Variants in DOCK1 observed in about 807,000 individuals in gnomAD.
The protein encoded by DOCK1 is dedicator of cytokinesis 1.
DOCK1 carries 138 observed loss-of-function variants against 262.7 expected under a neutral mutation model. The observed-to-expected ratio is 0.53, with a 90% confidence interval of 0.46 to 0.61. DOCK1 has a LOEUF of 0.61. DOCK1 is among the 20% of genes least tolerant of loss of function. DOCK1 has a pLI of 0.00. For missense variants in DOCK1, 1,908 were observed against 2,370.7 expected (o/e 0.80, Z 4.05); for synonymous variants, 866 against 867.4 (o/e 1.00, Z 0.03).
chr10:127,023,121 G>A, intron 13 of DOCK1, 79 bp from the exon 14 acceptor site: 3 of 1,487,264 alleles, frequency 2.0e-6, no homozygotes, highest in Non-Finnish European at 2.8e-6. Flanking sequence ...TATGAGGATA[G>A]GTAGACAGTC....
intron 18 of DOCK1, among the ~76,000 whole-genome samples, chr10:127,033,254 C>G (rs968271328): frequency 3.9e-5 from 6 of 152,182 alleles, no homozygotes; most frequent in Non-Finnish European, 8.8e-5. Flanking sequence ...TAAGGCACCC[C>G]CTGCTGACTC....
intron 29 of DOCK1, among the ~76,000 whole-genome samples, chr10:127,271,005 G>GTA: frequency 6.6e-6 from 1 of 151,220 alleles, no homozygotes; most frequent in East Asian, 1.9e-4. Context: ...GTGTATGTGT[G>GTA]TGTGTGTGTG....
intron 29 of DOCK1, among the ~76,000 whole-genome samples, chr10:127,285,188 T>A (rs2061105604): frequency 6.6e-6 from 1 of 152,206 alleles, no homozygotes. Context: ...TACTATTCAT[T>A]TTCTGATTTT....
Position 127,060,352 on chromosome 10 carries a change from A to G in DOCK1, c.2337-1316A>G, listed in dbSNP as rs1291939582. Reference sequence around the variant, plus strand: ...TTTTAATTGTTTGGTACATCATTTAAGCAAACCCCATTTGAAAACCCTTAT... The same window carrying G: ...TTTTAATTGTTTGGTACATCATTTAGGCAAACCCCATTTGAAAACCCTTAT... On this transcript the variant is annotated intron_variant, in intron 22 of 51. Transcript: ENST00000623213. 2.0e-5 allele frequency among the ~76,000 whole-genome samples: 3 copies of G among 152,180 alleles called. No individual in the cohort carries two copies. In the East Asian group the frequency reaches 5.8e-4, roughly 29 times the overall value.
intron 49 of DOCK1, among the ~76,000 whole-genome samples, chr10:127,441,190 A>G (rs1008258551): frequency 1.3e-5 from 2 of 152,260 alleles, no homozygotes; most frequent in Admixed American, 6.5e-5. Flanking sequence ...CAAGGACACA[A>G]GCACACACGT....
rs1287690078 is a variant in DOCK1, at chr10:127,052,745, C to T, written c.2266C>T (p.Leu756=). The change falls in exon 22 of 52, where the codon CTG becomes TTG. Residue 756 remains leucine (L), a synonymous_variant. Coordinates refer to ENST00000623213, the MANE Select transcript of DOCK1 (RefSeq NM_001290223.2). The part of the protein sequence containing the change: ...GAEKPGVNEQ[L]YKAMKALESI... The stretch of plus-strand genomic sequence containing the variant: ...TGAGAAGCCGGGAGTAAATGAGCAG[C>T]TGTACAAAGCCATGAAAGCGCTAGA... 6 of 1,613,922 alleles carry T rather than the reference C, an allele frequency of 3.7e-6. No homozygotes were observed. The South Asian group carries it at 4.4e-5, about 12-fold the overall frequency.
intron 38 of DOCK1, 98 bp from the exon 39 acceptor site, chr10:127,402,957 C>T (rs1301586014): frequency 9.1e-7 from 1 of 1,103,302 alleles, no homozygotes; most frequent in Non-Finnish European, 1.3e-6. Flanking sequence ...TTCAAATGTA[C>T]TTCTACACTG....
At chr10:127,031,533 C>A in intron 16 of DOCK1, 117 bp from the exon 17 acceptor site, 1 of 725,804 alleles carries the variant, frequency 1.4e-6, no homozygotes, top group Non-Finnish European at 2.2e-6. Flanking sequence ...AGCTTTAATA[C>A]CTGTTTGTAT....
At chr10:127,011,228 A>C (rs2041414484) in intron 11 of DOCK1, among the ~76,000 whole-genome samples, 1 of 152,232 alleles carries the variant, frequency 6.6e-6, no homozygotes, top group Non-Finnish European at 1.5e-5. Flanking sequence ...TTTAATAGCA[A>C]AATAAGCAGT....
At chr10:127,000,438 A>G (rs1443922646) in intron 10 of DOCK1, 131 bp downstream of exon 10, 21 of 1,320,440 alleles carry the variant, frequency 1.6e-5, no homozygotes, top group East Asian at 2.5e-5. Context: ...GAGAAAAAAT[A>G]TATTTATTAG....
At chr10:127,370,359 A>G (rs1030061742) in intron 33 of DOCK1, among the ~76,000 whole-genome samples, 5 of 152,170 alleles carry the variant, frequency 3.3e-5, no homozygotes, top group Admixed American at 1.3e-4. Context: ...CCCTCCATCA[A>G]GGCGGTGAGT....
chr10:127,451,612 A>C lies in DOCK1; in HGVS notation c.*185A>C. The C allele has an allele frequency of 7.1e-7, 1 of 1,409,340 alleles. No homozygotes were observed. The highest frequency in any genetic ancestry group is 9.4e-7 in the Non-Finnish European group (1 of 1,069,056). 87.3% of individuals were successfully genotyped at this position (1,409,340 alleles called of 1,614,324 possible). On this transcript the variant is annotated 3_prime_UTR_variant, in exon 52 of 52. Coordinates refer to ENST00000623213, the MANE Select transcript of DOCK1 (RefSeq NM_001290223.2). ...GAGTGGCCTTTAGCGTCATGGAGCA[A>C]GGTGGGTCTGGGAGGTAGATATGGG...
At chr10:127,246,286 A>G (rs957411544) in intron 27 of DOCK1, among the ~76,000 whole-genome samples, 3 of 152,196 alleles carry the variant, frequency 2.0e-5, no homozygotes, top group Non-Finnish European at 4.4e-5. Flanking sequence ...CAGAGAGTGA[A>G]ACCTCTAAGC....
rs1265503262 is a variant in DOCK1, at chr10:127,028,610, A to G, written c.1624+2186A>G. ...AATGCCTTGGGGGAGTGGCGAGGCCACTTCTTTCCTTTGGCTTTTATTGAG... is the reference window on the plus strand; with the variant it reads ...AATGCCTTGGGGGAGTGGCGAGGCCGCTTCTTTCCTTTGGCTTTTATTGAG... On this transcript the variant is annotated intron_variant, in intron 16 of 51. Coordinates refer to ENST00000623213, the MANE Select transcript of DOCK1 (RefSeq NM_001290223.2). 4.6e-5 allele frequency among the ~76,000 whole-genome samples: 7 copies of G among 152,162 alleles called. No homozygotes were observed. The East Asian group carries it at 1.2e-3, about 25-fold the overall frequency.
chr10:127,100,327 G>A lies in DOCK1; in HGVS notation c.2446-5904G>A, dbSNP rs2136176834. On this transcript the variant is annotated intron_variant, in intron 23 of 51. Transcript: ENST00000623213. This position sits in a 1 kb window ranked among gnomAD's most constrained non-coding sequence, Gnocchi z 5.5. Reference sequence around the variant, plus strand: ...AGCCTGAACCGAGGGCTCTGTCGCTGCCTAGAAGGGGGCTGTGAGGAAGAG... The same window carrying A: ...AGCCTGAACCGAGGGCTCTGTCGCTACCTAGAAGGGGGCTGTGAGGAAGAG... Among the ~76,000 whole-genome samples, 1 of 152,288 alleles carries A rather than the reference G, an allele frequency of 6.6e-6. No individual in the cohort carries two copies. Among genetic ancestry groups the A allele is most frequent in the South Asian group, 2.1e-4 (1 of 4,826 alleles).
intron 27 of DOCK1, among the ~76,000 whole-genome samples, chr10:127,131,112 A>C (rs2251922): frequency 0.82 from 124,968 of 152,106 alleles, 52,037 homozygotes; most frequent in East Asian, 0.94. Context: ...GGAGTTCCTC[A>C]GGAAGAAGCC....
intron 29 of DOCK1, among the ~76,000 whole-genome samples, chr10:127,337,366 G>A (rs2063247308): frequency 6.6e-6 from 1 of 152,152 alleles, no homozygotes; most frequent in Non-Finnish European, 1.5e-5. Flanking sequence ...AGACTGGGGG[G>A]CTGATTAGAG....
chr10:127,420,587 G>A (rs991589904), intron 46 of DOCK1, among the ~76,000 whole-genome samples: 5 of 152,132 alleles, frequency 3.3e-5, no homozygotes, highest in East Asian at 1.9e-4. Flanking sequence ...AGGTGTCGTA[G>A]CCCAGGCCAC....
chr10:126,973,169 C>G (rs148065326), intron 2 of DOCK1, among the ~76,000 whole-genome samples: 1 of 151,786 alleles, frequency 6.6e-6, no homozygotes, highest in East Asian at 1.9e-4. Context: ...TCCTGTGGCC[C>G]CTGGGCCTGT....
Sources: allele counts gnomAD v4.1 joint callset (sites outside exome capture counted in the v4.1 genomes callset), GRCh38; gene constraint gnomAD v4.1.1; non-coding constraint Gnocchi (gnomAD v3.1); transcripts MANE v1.5; gene names NCBI Gene and HGNC (gene_info 2026-07-23, HGNC 2026-07-21).